Variants in ASTN2 observed in about 807,000 individuals in gnomAD.
ASTN2 encodes the protein astrotactin 2.
ASTN2 carries 54 observed loss-of-function variants against 139.8 expected under a neutral mutation model. That is an observed-to-expected ratio of 0.39 (90% CI 0.31 to 0.48). The LOEUF is 0.48. ASTN2 is among the 20% of genes least tolerant of loss of function. The pLI is 0.95. For synonymous variants in ASTN2, 756 were observed against 719.5 expected, an observed-to-expected ratio of 1.05 and a Z score of -0.81; for missense variants, 1,565 against 1,725.1, an observed-to-expected ratio of 0.91 and a Z score of 1.64.
At chr9:117,102,328 G>A (rs1265026349) in intron 4 of ASTN2, among the ~76,000 whole-genome samples, 1 of 152,120 alleles carries the variant, frequency 6.6e-6, no homozygotes, top group Non-Finnish European at 1.5e-5. Context: ...ATCCAGGATA[G>A]CTAAATCCGT....
intron 2 of ASTN2, among the ~76,000 whole-genome samples, chr9:117,285,125 A>G (rs1053248854): frequency 3.9e-5 from 6 of 152,184 alleles, no homozygotes; most frequent in African/African-American, 1.2e-4. Flanking sequence ...TATGGCCCCA[A>G]AAATAAACAC....
At chr9:116,761,058 G>A (rs996459364) in intron 13 of ASTN2, among the ~76,000 whole-genome samples, 6 of 152,166 alleles carry the variant, frequency 3.9e-5, no homozygotes, top group Admixed American at 6.5e-5. Flanking sequence ...ATGGTACAAC[G>A]GGGAATAGCT....
chr9:117,059,663 C>T (rs557327134), intron 5 of ASTN2, among the ~76,000 whole-genome samples: 4 of 152,030 alleles, frequency 2.6e-5, no homozygotes, highest in Non-Finnish European at 5.9e-5. Flanking sequence ...ACCACCACCA[C>T]CAACAAAAAA....
At position 116,969,738 on chromosome 9, in the gene ASTN2, C is replaced by T. The variant is rs151110254; in HGVS notation, c.1889+5470G>A. 2.8e-4 allele frequency among the ~76,000 whole-genome samples: 42 copies of T among 152,262 alleles called. 1 individual carries two copies. Among genetic ancestry groups the T allele is most frequent in the African/African-American group, 1.0e-3 (42 of 41,544 alleles). ...AGTAGGTGATCCATTCCTTGTTTTG[C>T]TACCTAGTGCATTTGTACTCAAACT... On this transcript the variant is annotated intron_variant, in intron 10 of 22. Coordinates refer to ENST00000313400, the MANE Select transcript of ASTN2 (RefSeq NM_001365068.1).
chr9:116,919,648 T>TC (rs1834543316), intron 10 of ASTN2, among the ~76,000 whole-genome samples: 1 of 149,412 alleles, frequency 6.7e-6, no homozygotes, highest in South Asian at 2.1e-4. Flanking sequence ...TCATTTTTTT[T>TC]TTTTTTTTTT....
chr9:116,497,030 T>C (rs1588114700), intron 19 of ASTN2, among the ~76,000 whole-genome samples: 1 of 152,178 alleles, frequency 6.6e-6, no homozygotes, highest in East Asian at 1.9e-4. Context: ...CCAGGAGTGT[T>C]ATTTCCCCAC....
chr9:116,574,501 A>G (rs1853645866), intron 19 of ASTN2, among the ~76,000 whole-genome samples: 1 of 152,214 alleles, frequency 6.6e-6, no homozygotes, highest in African/African-American at 2.4e-5. Flanking sequence ...TATTGCAGCT[A>G]TGCAAAGAGA....
At chr9:117,379,116 A>T (rs966515622) in intron 1 of ASTN2, among the ~76,000 whole-genome samples, 1 of 152,182 alleles carries the variant, frequency 6.6e-6, no homozygotes, top group African/African-American at 2.4e-5. Flanking sequence ...ACTGTAAGAC[A>T]ATTAAACCTC....
intron 11 of ASTN2, among the ~76,000 whole-genome samples, chr9:116,826,220 T>G (rs1192691665): frequency 1.3e-5 from 2 of 152,092 alleles, no homozygotes; most frequent in Non-Finnish European, 2.9e-5. Context: ...CCTATGCATA[T>G]CTAGGACAAT....
At chr9:116,987,712 A>G (rs950741795) in intron 7 of ASTN2, among the ~76,000 whole-genome samples, 1 of 152,216 alleles carries the variant, frequency 6.6e-6, no homozygotes, top group Admixed American at 6.5e-5. Context: ...CATTTAATTT[A>G]TAAATTAGGC....
intron 1 of ASTN2, among the ~76,000 whole-genome samples, chr9:117,368,125 A>T (rs1250359964): frequency 6.6e-6 from 1 of 152,154 alleles, no homozygotes; most frequent in Non-Finnish European, 1.5e-5. Context: ...GCAGCAACTA[A>T]GGATAAGGGA....
intron 6 of ASTN2, among the ~76,000 whole-genome samples, chr9:117,037,439 T>C (rs1838417592): frequency 6.6e-6 from 1 of 152,186 alleles, no homozygotes; most frequent in East Asian, 1.9e-4. Context: ...AATACTCCTA[T>C]GAGGTAGGTA....
Position 117,038,731 on chromosome 9 carries a change from G to A in ASTN2, c.1423+1088C>T, listed in dbSNP as rs187681640. Among the ~76,000 whole-genome samples the A allele has an allele frequency of 2.1e-3, 323 of 152,226 alleles. 5 individuals carry two copies. Among genetic ancestry groups the A allele is most frequent in the Non-Finnish European group, 1.0e-3 (68 of 68,024 alleles). On this transcript the variant is annotated intron_variant, in intron 6 of 22. Transcript: ENST00000313400. ...GCCAAACTTCAATACAGCTAAAGAC[G>A]GTGATGGCATGTGAGAAGTGTTTGA...
chr9:117,369,669 TACC>T (rs1829938745), intron 1 of ASTN2, among the ~76,000 whole-genome samples: 1 of 152,160 alleles, frequency 6.6e-6, no homozygotes, highest in South Asian at 2.1e-4. Context: ...ATAATCTCAC[TACC>T]AAGCACAGTC....
chr9:117,072,250 C>T (rs1225317533), intron 5 of ASTN2, among the ~76,000 whole-genome samples: 1 of 152,182 alleles, frequency 6.6e-6, no homozygotes, highest in Non-Finnish European at 1.5e-5. Flanking sequence ...TAGCACACAT[C>T]CTTGAATTTA....
chr9:117,332,375 A>G (rs1274803867), intron 1 of ASTN2, among the ~76,000 whole-genome samples: 1 of 152,196 alleles, frequency 6.6e-6, no homozygotes, highest in Non-Finnish European at 1.5e-5. Flanking sequence ...GTTCAAGACC[A>G]GCCTGGCCAA....
intron 10 of ASTN2, among the ~76,000 whole-genome samples, chr9:116,971,375 A>G (rs544191391): frequency 6.6e-6 from 1 of 152,336 alleles, no homozygotes; most frequent in East Asian, 1.9e-4. Flanking sequence ...GCTTAGCTAC[A>G]GTTTTTGAAA....
chr9:117,269,909 C>T (rs1350013712), intron 2 of ASTN2, among the ~76,000 whole-genome samples: 1 of 152,172 alleles, frequency 6.6e-6, no homozygotes, highest in African/African-American at 2.4e-5. Flanking sequence ...AGGCACTGTG[C>T]CACAAATTTC....
intron 17 of ASTN2, among the ~76,000 whole-genome samples, chr9:116,638,165 A>G (rs972091726): frequency 1.3e-5 from 2 of 152,196 alleles, no homozygotes; most frequent in African/African-American, 4.8e-5. Context: ...AAACAATGAA[A>G]TGTAGAGAAG....
Sources: gnomAD v4.1 joint callset for allele counts (sites outside exome capture counted in the v4.1 genomes callset) on GRCh38, gnomAD v4.1.1 for gene constraint, MANE v1.5 for transcripts, NCBI Gene and HGNC (gene_info 2026-07-23, HGNC 2026-07-21) for gene names.